Variants in GH1 observed in about 807,000 individuals in gnomAD.
GH1 encodes somatotropin.
GH1 carries 13 observed loss-of-function variants against 24.5 expected under a neutral mutation model. That is an observed-to-expected ratio of 0.53 (90% CI 0.35 to 0.85). The LOEUF (loss-of-function observed/expected upper bound fraction) is 0.85. Ranked by LOEUF, GH1 falls within the 40% of genes least tolerant of loss-of-function variation. The probability of loss-of-function intolerance (pLI) is 0.01; values close to 1 mark genes in which losing one functional copy is unlikely to be tolerated. For missense variants in GH1, 294 were observed against 273.2 expected, an observed-to-expected ratio of 1.08 and a Z score of -0.54; for synonymous variants, 126 against 116.3, an observed-to-expected ratio of 1.08 and a Z score of -0.54.
At chr17:63,918,246 A>C in intron 2 of GH1, 100 bp downstream of exon 2, 1 of 1,611,284 alleles carries the variant, frequency 6.2e-7, no homozygotes, top group South Asian at 1.1e-5. Flanking sequence ...TCGCTTCGGG[A>C]AAAACCCTGA....
intron 3 of GH1, 39 bp from the exon 4 acceptor site, chr17:63,917,963 G>T (rs746829974): frequency 1.3e-4 from 211 of 1,614,084 alleles, no homozygotes; most frequent in Admixed American, 3.7e-4. Flanking sequence ...GCTGCCCGGG[G>T]GCTCTGACTA....
chr17:63,918,238 G>C (rs939688003), intron 2 of GH1, 102 bp from the exon 3 acceptor site: 6 of 1,611,340 alleles, frequency 3.7e-6, no homozygotes, highest in Non-Finnish European at 5.1e-6. Context: ...CTGCATTTTC[G>C]CTTCGGGAAA....
chr17:63,917,618 G>T, intron 4 of GH1, 112 bp from the exon 5 acceptor site: 1 of 1,613,864 alleles, frequency 6.2e-7, no homozygotes, highest in East Asian at 2.2e-5. Flanking sequence ...AGGCCTGGAG[G>T]ATTCACGAGG....
chr17:63,918,040 T>G lies in GH1; in HGVS notation c.268A>C (p.Arg90=), dbSNP rs200498241. The G allele has an allele frequency of 1.5e-5, 24 of 1,614,110 alleles. No homozygotes were observed. In the African/African-American group the frequency reaches 2.4e-4, roughly 16 times the overall value. Reference sequence around the variant, plus strand: ...ACGGATTTCTGTTGTGTTTCCTCCCTGTTGGAGGGTGTCGGAATAGACTCT... The same window carrying G: ...ACGGATTTCTGTTGTGTTTCCTCCCGGTTGGAGGGTGTCGGAATAGACTCT... ...FSESIPTPSN[R]EETQQKSNLE... The change falls in exon 3 of 5, where the codon AGG becomes CGG. Residue 90 remains arginine, a synonymous_variant. Coordinates refer to ENST00000323322, the MANE Select transcript of GH1 (RefSeq NM_000515.5).
At chr17:63,918,274 T>C (rs1907492614) in intron 2 of GH1, 72 bp downstream of exon 2, 7 of 1,610,774 alleles carry the variant, frequency 4.3e-6, no homozygotes, top group Non-Finnish European at 5.9e-6. Context: ...AGTCTCCTCC[T>C]CTTATTTCCC....
chr17:63,917,595 A>G, intron 4 of GH1, 89 bp from the exon 5 acceptor site: 1 of 1,613,914 alleles, frequency 6.2e-7, no homozygotes, highest in Non-Finnish European at 8.5e-7. Flanking sequence ...CCTCCCCTTC[A>G]GGGTGTAGAG....
rs774036261 is a variant in GH1 at position 63,917,213 on chromosome 17, T to C, written c.*96A>G. Reference sequence around the variant, plus strand: ...CCTAGTCAGACAAAATGATGCAACTTAATTTTATTAGGACAAGGCTGGTGG... The same window carrying C: ...CCTAGTCAGACAAAATGATGCAACTCAATTTTATTAGGACAAGGCTGGTGG... On this transcript the variant is annotated 3_prime_UTR_variant, in exon 5 of 5. Coordinates refer to ENST00000323322, the MANE Select transcript of GH1 (RefSeq NM_000515.5). 15 of 1,591,486 alleles carry C rather than the reference T, an allele frequency of 9.4e-6. No individual in the cohort carries two copies. Among genetic ancestry groups the C allele is most frequent in the South Asian group, 1.1e-5 (1 of 90,228 alleles).
intron 1 of GH1, 35 bp downstream of exon 1, chr17:63,918,732 C>T: frequency 1.2e-6 from 2 of 1,613,796 alleles, no homozygotes; most frequent in East Asian, 2.2e-5. Flanking sequence ...CCCCTCAGGA[C>T]ACATTGTGCC....
chr17:63,917,308 G>A lies in GH1; in HGVS notation c.*1C>T. ...GGGTCACAGGGATGCCACCCGGGCA[G>A]CTAGAAGCCACAGCTGCCCTCCACA... On this transcript the variant is annotated 3_prime_UTR_variant, in exon 5 of 5. Transcript: ENST00000323322. 6.2e-7 allele frequency: 1 copy of A among 1,614,082 alleles called. No individual in the cohort carries two copies. The highest frequency in any genetic ancestry group is 8.5e-7 in the Non-Finnish European group (1 of 1,179,936).
intron 4 of GH1, 22 bp downstream of exon 4, chr17:63,917,738 G>A (rs41295245): frequency 0.023 from 36,598 of 1,614,144 alleles, 592 homozygotes; most frequent in Non-Finnish European, 0.025. Context: ...CCAGGATTGG[G>A]GACCCCTGGC....
At position 63,918,410 on chromosome 17, in the gene GH1, A is replaced by T; in HGVS notation, c.107T>A (p.Phe36Tyr). Residue 36 changes from phenylalanine to tyrosine, a missense_variant, in exon 2 of 5, where the codon TTT becomes TAT. Coordinates refer to ENST00000323322, the MANE Select transcript of GH1 (RefSeq NM_000515.5). ...ATGGGCGCGGAGCATAGCGTTGTCA[A>T]AAAGCCTGGATAAGGGAATGGTTGG... ...AFPTIPLSRL[F>Y]DNAMLRAHRL... is the part of the protein sequence containing the mutation. 3 of 1,614,160 alleles carry T rather than the reference A, an allele frequency of 1.9e-6. No homozygotes were observed. Among genetic ancestry groups the T allele is most frequent in the Non-Finnish European group, 2.5e-6 (3 of 1,180,018 alleles).
intron 1 of GH1, 116 bp from the exon 2 acceptor site, chr17:63,918,622 T>A (rs1053248300): frequency 1.5e-5 from 24 of 1,609,386 alleles, no homozygotes; most frequent in African/African-American, 9.4e-5. Flanking sequence ...AGGAGCTTTC[T>A]GAGATTGGCC....
intron 4 of GH1, 118 bp from the exon 5 acceptor site, chr17:63,917,624 C>G (rs61735355): frequency 3.1e-6 from 5 of 1,613,624 alleles, no homozygotes; most frequent in Non-Finnish European, 3.4e-6. Context: ...GGAGGATTCA[C>G]GAGGGGAAAT....
intron 4 of GH1, 83 bp downstream of exon 4, chr17:63,917,677 A>C (rs181247630): frequency 1.6e-5 from 26 of 1,614,126 alleles, no homozygotes; most frequent in Admixed American, 1.2e-4. Flanking sequence ...CTGACTGCTA[A>C]AAAGAGGGCA....
Position 63,917,366 on chromosome 17 carries a change from G to C in GH1, c.597C>G (p.Val199=), listed in dbSNP as rs142704768. 4.0e-4 allele frequency: 638 copies of C among 1,613,850 alleles called. No homozygotes were observed. Among genetic ancestry groups the C allele is most frequent in the Non-Finnish European group, 4.9e-4 (581 of 1,179,902 alleles). ...ACTGCACGATGCGCAGGAATGTCTC[G>C]ACCTTGTCCATGTCCTTCCTGAAGC... ...LYCFRKDMDK[V]ETFLRIVQCR... Residue 199 remains valine, a synonymous_variant, in exon 5 of 5, where the codon GTC becomes GTG. Coordinates refer to ENST00000323322, the MANE Select transcript of GH1 (RefSeq NM_000515.5).
At chr17:63,918,713 G>A (rs923559070) in intron 1 of GH1, 54 bp downstream of exon 1, 42 of 1,613,142 alleles carry the variant, frequency 2.6e-5, no homozygotes, top group Non-Finnish European at 3.0e-5. Flanking sequence ...TCTACAGGTC[G>A]CTGCCTCTCC....
In GH1 at chr17:63,917,836, A is replaced by G; in HGVS notation, c.380T>C (p.Leu127Pro). 6.2e-7 allele frequency: 1 copy of G among 1,614,064 alleles called. No individual in the cohort carries two copies. The highest frequency in any genetic ancestry group is 8.5e-7 in the Non-Finnish European group (1 of 1,180,016). ...QFLRSVFANS[L>P]VYGASDSNVY... The stretch of plus-strand genomic sequence containing the variant: ...GTTGCTGTCAGAGGCGCCGTACACC[A>G]GGCTGTTGGCGAAGACACTCCTGAG... Residue 127 changes from leucine to proline, a missense_variant, in exon 4 of 5, where the codon CTG (leucine) becomes CCG (proline). Transcript: ENST00000323322.
intron 1 of GH1, 53 bp downstream of exon 1, chr17:63,918,714 C>T (rs1329142431): frequency 1.9e-6 from 3 of 1,613,270 alleles, no homozygotes; most frequent in African/African-American, 1.3e-5. Context: ...CTACAGGTCG[C>T]TGCCTCTCCC....
intron 3 of GH1, 30 bp from the exon 4 acceptor site, chr17:63,917,954 C>G (rs1387901360): frequency 6.2e-7 from 1 of 1,614,216 alleles, no homozygotes; most frequent in Non-Finnish European, 8.5e-7. Flanking sequence ...ATTGGCTGTG[C>G]TGCCCGGGGG....
Sources: gnomAD v4.1 joint callset for allele counts on GRCh38, gnomAD v4.1.1 for gene constraint, MANE v1.5 for transcripts, NCBI Gene and HGNC (gene_info 2026-07-23, HGNC 2026-07-21) for gene names.